IFT52: variants seen among roughly 807,000 people sequenced by gnomAD.
IFT52 encodes intraflagellar transport protein 52 homolog.
IFT52 carries 44 observed loss-of-function variants against 54.4 expected under a neutral mutation model. The observed-to-expected ratio is 0.81, with a 90% CI of 0.63 to 1.04. The LOEUF (loss-of-function observed/expected upper bound fraction) is 1.04. IFT52 is among the 50% of genes least tolerant of loss of function. The probability of loss-of-function intolerance (pLI) is 0.00; values close to 1 mark genes in which losing one functional copy is unlikely to be tolerated. For missense variants in IFT52, 452 were observed against 523.6 expected, an observed-to-expected ratio of 0.86 and a Z score of 1.33; for synonymous variants, 181 against 185.3, an observed-to-expected ratio of 0.98 and a Z score of 0.19.
intron 8 of IFT52, among the ~76,000 whole-genome samples, chr20:43,620,423 C>T (rs1377220956): frequency 2.0e-5 from 3 of 152,014 alleles, no homozygotes; most frequent in Admixed American, 6.6e-5. Context: ...TTTGGGAGGC[C>T]GAGACAGGTG....
At chr20:43,598,627 G>A (rs531248455) in intron 3 of IFT52, among the ~76,000 whole-genome samples, 2 of 152,238 alleles carry the variant, frequency 1.3e-5, no homozygotes, top group East Asian at 1.9e-4. Flanking sequence ...CCTGGGAGGC[G>A]GAGGTTGCAG....
At chr20:43,599,209 C>T (rs1275935428) in intron 3 of IFT52, among the ~76,000 whole-genome samples, 3 of 152,250 alleles carry the variant, frequency 2.0e-5, no homozygotes, top group East Asian at 1.9e-4. Flanking sequence ...TGTTGGGCTT[C>T]GGCTCCATCT....
At chr20:43,636,783 C>G (rs1438436710) in intron 11 of IFT52, among the ~76,000 whole-genome samples, 1 of 152,196 alleles carries the variant, frequency 6.6e-6, no homozygotes, top group Non-Finnish European at 1.5e-5. Context: ...AGCTTTGTGT[C>G]ATCGTTCTGA....
intron 7 of IFT52, among the ~76,000 whole-genome samples, chr20:43,616,078 C>T (rs952465519): frequency 7.9e-5 from 12 of 152,118 alleles, no homozygotes; most frequent in Non-Finnish European, 1.6e-4. Context: ...CTCTTGACAT[C>T]TCTGGCTTAG....
In IFT52 at chr20:43,596,495, G is replaced by A; in HGVS notation, c.180G>A (p.Gly60=). The part of the protein sequence containing the change: ...LNGVKLWITA[G]PREKFTAAEF... The stretch of plus-strand genomic sequence containing the variant: ...GAGTGAAACTGTGGATTACAGCTGG[G>A]CCAAGGGAAAAATTTACTGCAGCTG... The change falls in exon 3 of 14, where the codon GGG becomes GGA. Residue 60 remains glycine, a synonymous_variant. Coordinates refer to ENST00000373030, the MANE Select transcript of IFT52 (RefSeq NM_016004.5). 2 of 1,606,802 alleles carry A rather than the reference G, an allele frequency of 1.2e-6. No homozygotes were observed. The highest frequency in any genetic ancestry group is 1.3e-5 in the African/African-American group (1 of 74,876).
At chr20:43,615,257 G>T (rs963539830) in intron 7 of IFT52, among the ~76,000 whole-genome samples, 2 of 151,806 alleles carry the variant, frequency 1.3e-5, no homozygotes, top group African/African-American at 2.4e-5. Flanking sequence ...GCCCAGGCTG[G>T]TCTTAAACTT....
At chr20:43,600,398 G>A (rs538307472) in intron 3 of IFT52, among the ~76,000 whole-genome samples, 8 of 151,386 alleles carry the variant, frequency 5.3e-5, no homozygotes, top group Admixed American at 2.0e-4. Context: ...TCCGCCTCCC[G>A]GGTTCACGCC....
At chr20:43,609,660 A>T (rs1983259708) in intron 6 of IFT52, among the ~76,000 whole-genome samples, 1 of 151,726 alleles carries the variant, frequency 6.6e-6, no homozygotes, top group Admixed American at 6.6e-5. Context: ...CTGTAATCTC[A>T]GCTACTCAGG....
At chr20:43,607,708 G>C (rs1214357288) in intron 6 of IFT52, among the ~76,000 whole-genome samples, 1 of 150,886 alleles carries the variant, frequency 6.6e-6, no homozygotes, top group African/African-American at 2.4e-5. Context: ...GATGATGGGC[G>C]GCCAGGCAGA....
At chr20:43,607,487 A>G (rs1456212812) in intron 6 of IFT52, among the ~76,000 whole-genome samples, 1 of 149,852 alleles carries the variant, frequency 6.7e-6, no homozygotes, top group African/African-American at 2.5e-5. Context: ...CTCACCTCCC[A>G]GACGGGGTCG....
intron 10 of IFT52, among the ~76,000 whole-genome samples, chr20:43,628,534 A>T (rs1452105704): frequency 6.6e-6 from 1 of 152,182 alleles, no homozygotes; most frequent in Non-Finnish European, 1.5e-5. Flanking sequence ...TTTTGATGAA[A>T]TAGGAAACAA....
intron 2 of IFT52, among the ~76,000 whole-genome samples, chr20:43,595,533 G>C (rs921142542): frequency 6.6e-6 from 1 of 151,336 alleles, no homozygotes; most frequent in Admixed American, 6.6e-5. Context: ...TGGTGACAGA[G>C]CGAGACTCTG....
chr20:43,643,173 A>C (rs1986041294), intron 13 of IFT52, among the ~76,000 whole-genome samples: 1 of 148,272 alleles, frequency 6.7e-6, no homozygotes, highest in Non-Finnish European at 1.5e-5. Context: ...TCAAAAAAAA[A>C]CAAAAAAACA....
intron 1 of IFT52, among the ~76,000 whole-genome samples, chr20:43,591,633 AAAG>A (rs1415510626): frequency 6.6e-6 from 1 of 152,214 alleles, no homozygotes; most frequent in Non-Finnish European, 1.5e-5. Context: ...TAAAGTGCTT[AAAG>A]AAGGATAAAT....
chr20:43,621,246 A>C (rs935281523), intron 9 of IFT52, among the ~76,000 whole-genome samples: 2 of 152,174 alleles, frequency 1.3e-5, no homozygotes, highest in Non-Finnish European at 2.9e-5. Context: ...AGAAATCTGA[A>C]ATTTTCTCAT....
In IFT52 at chr20:43,641,388, A is replaced by G. The variant is rs1471115912; in HGVS notation, c.1121-1091A>G. On this transcript the variant is annotated intron_variant, in intron 12 of 13. Transcript: ENST00000373030. ...TGAGTAGCTGGGATTATAGGCATGC[A>G]CCACCACGCCCGGCTAATTTTGTAT... 3.3e-5 allele frequency among the ~76,000 whole-genome samples: 5 copies of G among 151,668 alleles called. No individual in the cohort carries two copies. In the East Asian group the frequency reaches 9.8e-4, roughly 30 times the overall value.
chr20:43,593,443 ATGT>A (rs1416785150), intron 1 of IFT52, among the ~76,000 whole-genome samples: 3 of 152,264 alleles, frequency 2.0e-5, no homozygotes, highest in Admixed American at 1.3e-4. Context: ...GCAGAAAAAC[ATGT>A]TGTTTAACAT....
chr20:43,603,787 A>G lies in IFT52; in HGVS notation c.235A>G (p.Thr79Ala). Residue 79 changes from threonine (T) to alanine (A), a missense_variant, in exon 4 of 14, where the codon ACT becomes GCT. Thr to Ala is a moderately conservative substitution (Grantham distance 58). Transcript: ENST00000373030. The part of the protein sequence containing the change: ...EFEILKKYLD[T>A]GGDVFVMLGE... ...TGAAATCCTGAAGAAATATCTTGAC[A>G]CTGGTGGAGATGTCTTTGTGATGCT... The G allele has an allele frequency of 1.2e-6, 2 of 1,611,878 alleles. No homozygotes were observed. The highest frequency in any genetic ancestry group is 1.3e-5 in the African/African-American group (1 of 74,964).
chr20:43,598,442 C>T (rs899925691), intron 3 of IFT52, among the ~76,000 whole-genome samples: 1 of 152,236 alleles, frequency 6.6e-6, no homozygotes. Context: ...CACCTGTAAT[C>T]CCAGCACTTT....
Sources: gnomAD v4.1 joint callset for allele counts (sites outside exome capture counted in the v4.1 genomes callset) on GRCh38, gnomAD v4.1.1 for gene constraint, MANE v1.5 for transcripts, NCBI Gene and HGNC (gene_info 2026-07-23, HGNC 2026-07-21) for gene names.